Variants in COL26A1 observed in about 807,000 individuals in gnomAD.
COL26A1 encodes collagen alpha-1(XXVI) chain.
A neutral mutation model predicts 59.3 loss-of-function variants in COL26A1; 41 were observed. The observed-to-expected ratio is 0.69, with a 90% CI of 0.54 to 0.90. The LOEUF is 0.90. COL26A1 is among the 40% of genes least tolerant of loss of function. The probability of loss-of-function intolerance (pLI) is 0.00; values close to 1 mark genes in which losing one functional copy is unlikely to be tolerated. For synonymous variants in COL26A1, 266 were observed against 256.0 expected (o/e 1.04, Z -0.37); for missense variants, 612 against 602.3 (o/e 1.02, Z -0.17).
rs144608350 is a variant in COL26A1, at chr7:101,416,798, G to A, written c.159-3179G>A. ...TCTGTCACCCAGTGTGGAGTGCAGCGGTGCGATCATGGCTCACTGCAGTCT... is the reference window on the plus strand; with the variant it reads ...TCTGTCACCCAGTGTGGAGTGCAGCAGTGCGATCATGGCTCACTGCAGTCT... On this transcript the variant is annotated intron_variant, in intron 1 of 12. Coordinates refer to ENST00000313669, the MANE Select transcript of COL26A1 (RefSeq NM_001278563.3). 2.8e-5 allele frequency among the ~76,000 whole-genome samples: 4 copies of A among 143,368 alleles called. 1 individual carries two copies. The South Asian group carries it at 6.9e-4, about 25-fold the overall frequency. 94.1% of individuals were successfully genotyped at this position (143,368 alleles called of 152,430 possible). A position where few individuals can be genotyped will look rare whatever the true frequency, so the allele number is the denominator to read the frequency against.
At chr7:101,530,623 C>T (rs1402954475) in intron 3 of COL26A1, among the ~76,000 whole-genome samples, 1 of 149,800 alleles carries the variant, frequency 6.7e-6, no homozygotes. Context: ...GACGCCAGGG[C>T]CTTGTTGACT....
Position 101,510,735 on chromosome 7 carries a change from G to T in COL26A1, c.386-22347G>T, listed in dbSNP as rs953982189. The stretch of plus-strand genomic sequence containing the variant: ...GGGTCTCACGATGTTGTCCAGGCTG[G>T]CCTCAAACTCTTGGCTTCAAGAGAG... On this transcript the variant is annotated intron_variant, in intron 3 of 12. Transcript: ENST00000313669. Among the ~76,000 whole-genome samples, 6 of 151,942 alleles carry T rather than the reference G, an allele frequency of 3.9e-5. No homozygotes were observed. In the East Asian group the frequency reaches 5.8e-4, roughly 15 times the overall value.
chr7:101,516,419 G>A (rs879571111), intron 3 of COL26A1, among the ~76,000 whole-genome samples: 4 of 151,948 alleles, frequency 2.6e-5, no homozygotes, highest in Admixed American at 6.6e-5. Flanking sequence ...CTACAGGTGC[G>A]CACCACCATG....
intron 5 of COL26A1, 140 bp downstream of exon 5, chr7:101,540,189 A>C: frequency 2.3e-6 from 2 of 888,240 alleles, no homozygotes; most frequent in Non-Finnish European, 3.2e-6. Flanking sequence ...AATTAAGCTA[A>C]CAGTTGAAAA....
chr7:101,405,933 G>A (rs973840258), intron 1 of COL26A1, among the ~76,000 whole-genome samples: 5 of 152,180 alleles, frequency 3.3e-5, no homozygotes, highest in Admixed American at 1.3e-4. Context: ...ATTCCCCACC[G>A]TGGAAGCTGC....
chr7:101,429,645 T>C (rs1273545624), intron 2 of COL26A1, among the ~76,000 whole-genome samples: 1 of 139,066 alleles, frequency 7.2e-6, no homozygotes, highest in Non-Finnish European at 1.5e-5. Flanking sequence ...CAGGCTGGAG[T>C]GTAGTGGTTC....
intron 1 of COL26A1, among the ~76,000 whole-genome samples, chr7:101,406,025 C>T (rs1290403477): frequency 6.6e-6 from 1 of 152,170 alleles, no homozygotes; most frequent in South Asian, 2.1e-4. Flanking sequence ...AGGTCGTGCA[C>T]TCCCGGAGCC....
chr7:101,463,775 T>TTCTCTCTCTTTCTTTCTTTCTCTC (rs1554416023), intron 3 of COL26A1, among the ~76,000 whole-genome samples: 6 of 119,570 alleles, frequency 5.0e-5, no homozygotes, highest in African/African-American at 1.7e-4. Flanking sequence ...CCTTCCTTCT[T>TTCTCTCTCTTTCTTTCTTTCTCTC]TCTTTCTTTC....
At chr7:101,460,463 A>G (rs1313180731) in intron 3 of COL26A1, among the ~76,000 whole-genome samples, 1 of 152,008 alleles carries the variant, frequency 6.6e-6, no homozygotes, top group African/African-American at 2.4e-5. Context: ...GCACCTAAGG[A>G]TACTCCAGCA....
chr7:101,430,385 T>C (rs1194586605), intron 2 of COL26A1, among the ~76,000 whole-genome samples: 1 of 151,740 alleles, frequency 6.6e-6, no homozygotes, highest in Non-Finnish European at 1.5e-5. Context: ...GCTTCCAGGG[T>C]TCAAGCGATT....
At chr7:101,435,744 G>A (rs1026301276) in intron 2 of COL26A1, among the ~76,000 whole-genome samples, 6 of 152,250 alleles carry the variant, frequency 3.9e-5, no homozygotes, top group Admixed American at 6.5e-5. Context: ...AGTTTTCTTC[G>A]GCCGGGCTTC....
At chr7:101,522,960 G>A (rs1304440761) in intron 3 of COL26A1, among the ~76,000 whole-genome samples, 2 of 152,092 alleles carry the variant, frequency 1.3e-5, no homozygotes, top group Non-Finnish European at 2.9e-5. Flanking sequence ...ATGATCATTG[G>A]CCATTTGGAG....
At chr7:101,522,430 T>A (rs889732762) in intron 3 of COL26A1, among the ~76,000 whole-genome samples, 5 of 152,172 alleles carry the variant, frequency 3.3e-5, no homozygotes, top group African/African-American at 1.2e-4. Context: ...TCCTCACAGC[T>A]CTGGGGGCTG....
chr7:101,509,580 G>A (rs1297190834), intron 3 of COL26A1, among the ~76,000 whole-genome samples: 2 of 152,174 alleles, frequency 1.3e-5, no homozygotes, highest in African/African-American at 2.4e-5. Flanking sequence ...GGGATCACTG[G>A]TTCTTGCTGC....
intron 1 of COL26A1, among the ~76,000 whole-genome samples, chr7:101,364,762 ATC>A (rs1259904642): frequency 1.3e-5 from 2 of 151,856 alleles, no homozygotes; most frequent in Non-Finnish European, 2.9e-5. Context: ...TAGAGGTGGG[ATC>A]TCACTGTGTT....
chr7:101,462,852 G>A (rs1284547687), intron 3 of COL26A1, among the ~76,000 whole-genome samples: 1 of 151,848 alleles, frequency 6.6e-6, no homozygotes, highest in Non-Finnish European at 1.5e-5. Flanking sequence ...GCTGCAAGGA[G>A]GGACTTGCAG....
chr7:101,363,348 C>T (rs1483928269), intron 1 of COL26A1, among the ~76,000 whole-genome samples, 158 bp downstream of exon 1: 1 of 92,656 alleles, frequency 1.1e-5, no homozygotes, highest in African/African-American at 4.1e-5. Flanking sequence ...CTGCAGACAC[C>T]GGGCAGCTGG....
chr7:101,423,472 C>T (rs910816847), intron 2 of COL26A1, among the ~76,000 whole-genome samples: 13 of 152,270 alleles, frequency 8.5e-5, no homozygotes, highest in Non-Finnish European at 1.8e-4. Flanking sequence ...TGGTGGCTCA[C>T]GCCTATAATC....
At chr7:101,398,475 T>C (rs1252087578) in intron 1 of COL26A1, among the ~76,000 whole-genome samples, 1 of 152,146 alleles carries the variant, frequency 6.6e-6, no homozygotes. Context: ...TATGGACATG[T>C]CCGCTTATGG....
Sources: gnomAD v4.1 joint callset for allele counts (sites outside exome capture counted in the v4.1 genomes callset) on GRCh38, gnomAD v4.1.1 for gene constraint, MANE v1.5 for transcripts, NCBI Gene and HGNC (gene_info 2026-07-23, HGNC 2026-07-21) for gene names.